Variants in CDH8 observed in about 807,000 individuals in gnomAD.
The protein encoded by CDH8 is cadherin-8.
In CDH8, 17 loss-of-function variants were observed where a neutral mutation model predicts 68.1. The ratio of observed to expected loss-of-function variants is 0.25; its 90% CI spans 0.17 to 0.37. The LOEUF is 0.37. Ranked by LOEUF, CDH8 falls within the 10% of genes least tolerant of loss-of-function variation. CDH8 has a pLI of 1.00. For missense variants in CDH8, 763 were observed against 999.3 expected (o/e 0.76, Z 3.19); for synonymous variants, 372 against 365.1 (o/e 1.02, Z -0.21).
At chr16:61,963,655 G>A (rs565735803) in intron 2 of CDH8, among the ~76,000 whole-genome samples, 1 of 152,264 alleles carries the variant, frequency 6.6e-6, no homozygotes, top group South Asian at 2.1e-4. Context: ...GAAAGAGAAA[G>A]GAAGAGGTCA....
intron 2 of CDH8, among the ~76,000 whole-genome samples, chr16:61,904,640 T>C (rs1383570361): frequency 6.6e-6 from 1 of 152,274 alleles, no homozygotes; most frequent in African/African-American, 2.4e-5. Flanking sequence ...AACTTATTGA[T>C]ACATTTCTTG....
At chr16:61,861,890 T>C (rs1963156723) in intron 3 of CDH8, among the ~76,000 whole-genome samples, 1 of 152,206 alleles carries the variant, frequency 6.6e-6, no homozygotes, top group Admixed American at 6.5e-5. Context: ...TTACTGTCAC[T>C]ATTGTTATAT....
At chr16:61,666,938 C>T (rs74023211) in intron 10 of CDH8, among the ~76,000 whole-genome samples, 8,933 of 152,054 alleles carry the variant, frequency 0.059, 897 homozygotes, top group African/African-American at 0.2. Context: ...AGCATCCACA[C>T]TTCATTTATA....
intron 2 of CDH8, among the ~76,000 whole-genome samples, chr16:61,910,957 T>C (rs1480687815): frequency 6.6e-6 from 1 of 152,168 alleles, no homozygotes; most frequent in Non-Finnish European, 1.5e-5. Context: ...TATTCACCCA[T>C]TCAATAAGCA....
intron 8 of CDH8, among the ~76,000 whole-genome samples, chr16:61,736,845 C>A (rs1456020833): frequency 6.6e-6 from 1 of 152,046 alleles, no homozygotes; most frequent in Admixed American, 6.6e-5. Context: ...ATCTGATATA[C>A]AAACACTAAA....
At chr16:61,700,280 T>G (rs35046916) in intron 10 of CDH8, among the ~76,000 whole-genome samples, 5,012 of 148,130 alleles carry the variant, frequency 0.034, 242 homozygotes, top group African/African-American at 0.11. Context: ...TTTTAGTTGT[T>G]TTTTTTTTTT....
At chr16:61,798,530 A>G (rs1417685519) in intron 7 of CDH8, among the ~76,000 whole-genome samples, 3 of 152,340 alleles carry the variant, frequency 2.0e-5, no homozygotes, top group South Asian at 4.1e-4. Flanking sequence ...AATTTAAATT[A>G]ATTTTCTGTA....
intron 2 of CDH8, among the ~76,000 whole-genome samples, chr16:62,012,879 T>C (rs1901846429): frequency 6.6e-6 from 1 of 152,282 alleles, no homozygotes; most frequent in Non-Finnish European, 1.5e-5. Flanking sequence ...TTTTTTATGA[T>C]TCTGTGTTGT....
intron 2 of CDH8, among the ~76,000 whole-genome samples, chr16:61,924,872 CTT>C (rs1964432749): frequency 6.6e-6 from 1 of 152,046 alleles, no homozygotes; most frequent in African/African-American, 2.4e-5. Flanking sequence ...GTAAGACACT[CTT>C]AATGTAGGAT....
chr16:61,819,643 A>G (rs769576741), intron 6 of CDH8, among the ~76,000 whole-genome samples: 16 of 152,134 alleles, frequency 1.1e-4, no homozygotes, highest in Non-Finnish European at 2.4e-4. Flanking sequence ...TATAAAAAAG[A>G]ATATCCAGAA....
intron 10 of CDH8, among the ~76,000 whole-genome samples, chr16:61,696,532 C>G (rs1964330753): frequency 6.6e-6 from 1 of 152,158 alleles, no homozygotes; most frequent in South Asian, 2.1e-4. Flanking sequence ...AATTCAAGCA[C>G]TGTGTAAATA....
chr16:61,875,686 C>T (rs1262967145), intron 3 of CDH8, among the ~76,000 whole-genome samples: 1 of 152,126 alleles, frequency 6.6e-6, no homozygotes, highest in Non-Finnish European at 1.5e-5. Context: ...TCAAGGTTCA[C>T]AGAAAGTACT....
intron 8 of CDH8, among the ~76,000 whole-genome samples, chr16:61,737,034 C>A (rs1020844326): frequency 2.6e-4 from 40 of 152,228 alleles, no homozygotes; most frequent in African/African-American, 9.4e-4. Flanking sequence ...TAAACAAGTT[C>A]TTGACTTCTA....
Position 61,825,017 on chromosome 16 carries a change from G to A in CDH8, c.830C>T (p.Ala277Val). ...TDVNDNPPKF[A>V]QSLYHFSVPE... ...AGTGCAGGAAATTAACTTACTCTGTGCAAATTTTGGAGGATTGTCATTAAC... is the reference window on the plus strand; with the variant it reads ...AGTGCAGGAAATTAACTTACTCTGTACAAATTTTGGAGGATTGTCATTAAC... Residue 277 changes from alanine to valine, a missense_variant, in exon 5 of 12, where the codon GCA becomes GTA. Physicochemically the swap from Ala to Val is moderately conservative, Grantham distance 64. This residue lies in a region of CDH8 where 366 missense variants were observed against 563.1 expected (regional missense o/e 0.65). Coordinates refer to ENST00000577390, the MANE Select transcript of CDH8 (RefSeq NM_001796.5). The A allele has an allele frequency of 6.2e-7, 1 of 1,610,438 alleles. No homozygotes were observed. The highest frequency in any genetic ancestry group is 2.2e-5 in the East Asian group (1 of 44,776).
intron 2 of CDH8, among the ~76,000 whole-genome samples, chr16:61,984,289 G>C (rs571406612): frequency 6.6e-6 from 1 of 151,956 alleles, no homozygotes; most frequent in African/African-American, 2.4e-5. Flanking sequence ...ATTCCCCAAC[G>C]CCCCACTTCT....
At chr16:61,988,937 C>G (rs184766186) in intron 2 of CDH8, among the ~76,000 whole-genome samples, 11 of 152,178 alleles carry the variant, frequency 7.2e-5, no homozygotes, top group Middle Eastern at 3.4e-3. Flanking sequence ...TAATTTCACT[C>G]CAAAAGGAAC....
chr16:62,014,615 A>C (rs915242206), intron 2 of CDH8, among the ~76,000 whole-genome samples: 1 of 152,208 alleles, frequency 6.6e-6, no homozygotes, highest in Non-Finnish European at 1.5e-5. Context: ...AATATAGTGT[A>C]ATTATTTGGC....
In CDH8 at chr16:61,925,287, A is replaced by G. The variant is rs527806660; in HGVS notation, c.253-23814T>C. ...AAGACAAAATAAAATAAGAAGAGCAAACAAGATTTTGTTTTTCTTGTTGTG... is the reference window on the plus strand; with the variant it reads ...AAGACAAAATAAAATAAGAAGAGCAGACAAGATTTTGTTTTTCTTGTTGTG... On this transcript the variant is annotated intron_variant, in intron 2 of 11. Coordinates refer to ENST00000577390, the MANE Select transcript of CDH8 (RefSeq NM_001796.5). 2.0e-5 allele frequency among the ~76,000 whole-genome samples: 3 copies of G among 152,342 alleles called. No individual in the cohort carries two copies. In the South Asian group the frequency reaches 6.2e-4, roughly 32 times the overall value.
intron 2 of CDH8, among the ~76,000 whole-genome samples, chr16:62,019,011 CTCCCAGGCATAGCATGTTT>C (rs1222384232): frequency 3.3e-5 from 5 of 152,186 alleles, no homozygotes; most frequent in African/African-American, 1.2e-4. Context: ...ATGAATTGTT[CTCCCAGGCATAGCATGTTT>C]TGTTATTTAC....
Sources: allele counts gnomAD v4.1 joint callset (sites outside exome capture counted in the v4.1 genomes callset), GRCh38; gene constraint gnomAD v4.1.1; regional missense constraint gnomAD v4.1.1; transcripts MANE v1.5; gene names NCBI Gene and HGNC (gene_info 2026-07-23, HGNC 2026-07-21).